HSPA12A: variants seen among roughly 807,000 people sequenced by gnomAD.
HSPA12A encodes heat shock 70 kDa protein 12A.
In HSPA12A, 28 loss-of-function variants were observed where a neutral mutation model predicts 69.2. That is an observed-to-expected ratio of 0.40 (90% CI 0.30 to 0.55). The LOEUF is 0.55. Among genes scored for constraint, HSPA12A ranks in the 20% least tolerant of loss-of-function variants. The pLI is 0.38. For missense variants in HSPA12A, 686 were observed against 900.7 expected (o/e 0.76, Z 3.05); for synonymous variants, 345 against 370.5 (o/e 0.93, Z 0.79).
At chr10:116,795,455 G>C (rs1341007598) in intron 2 of HSPA12A, among the ~76,000 whole-genome samples, 1 of 151,660 alleles carries the variant, frequency 6.6e-6, no homozygotes. Flanking sequence ...AAGGTGGGTG[G>C]ATCACTTGAG....
rs782248032 is a variant in HSPA12A, at chr10:116,681,844, C to CG, written c.868dup (p.Arg290ProfsTer20). ...TATGACATTCTCCACCAAAAAGGTCCGACTCTGCCGATTACGCCGTATGTG... is the reference window on the plus strand; with the variant it reads ...TATGACATTCTCCACCAAAAAGGTCCGGACTCTGCCGATTACGCCGTATGTG... On this transcript the variant is annotated frameshift_variant, in exon 8 of 12. Transcript: ENST00000369209. LOFTEE classifies it high-confidence loss of function. The CG allele has an allele frequency of 6.2e-7, 1 of 1,614,146 alleles. No homozygotes were observed.
intron 2 of HSPA12A, among the ~76,000 whole-genome samples, chr10:116,808,204 G>A (rs1289382882): frequency 1.3e-5 from 2 of 151,330 alleles, no homozygotes; most frequent in African/African-American, 4.9e-5. Context: ...GATGAGGGAT[G>A]AATGCTGAGG....
intron 3 of HSPA12A, among the ~76,000 whole-genome samples, chr10:116,702,167 A>C (rs2132969239): frequency 6.6e-6 from 1 of 151,882 alleles, no homozygotes; most frequent in African/African-American, 2.4e-5. Context: ...GAGCAAGGGA[A>C]GGGGGAAGGG....
chr10:116,746,252 C>G (rs1245861523), upstream of HSPA12A, among the ~76,000 whole-genome samples: 1 of 152,180 alleles, frequency 6.6e-6, no homozygotes, highest in African/African-American at 2.4e-5. Flanking sequence ...AGTCCAGAGG[C>G]AGGCCCAGCT....
At chr10:116,793,572 A>C (rs1321474436) in intron 2 of HSPA12A, among the ~76,000 whole-genome samples, 1 of 70,580 alleles carries the variant, frequency 1.4e-5, no homozygotes, top group Non-Finnish European at 4.0e-5. Context: ...CCCTGTCCCC[A>C]CTGAAAACAA....
chr10:116,770,117 G>A (rs1393150538), intron 2 of HSPA12A, among the ~76,000 whole-genome samples: 1 of 152,216 alleles, frequency 6.6e-6, no homozygotes, highest in Non-Finnish European at 1.5e-5. Flanking sequence ...CCTCAGAAGA[G>A]CCTGATGGAG....
At chr10:116,794,154 G>A (rs1681728) in intron 2 of HSPA12A, among the ~76,000 whole-genome samples, 123,468 of 151,650 alleles carry the variant, frequency 0.81, 52,541 homozygotes, top group Non-Finnish European at 0.93. Flanking sequence ...GCAGTGAGCC[G>A]AGATCGCGCC....
At chr10:116,704,970 C>G (rs1243064406) in intron 3 of HSPA12A, among the ~76,000 whole-genome samples, 181 bp downstream of exon 3, 3 of 152,212 alleles carry the variant, frequency 2.0e-5, no homozygotes, top group African/African-American at 7.2e-5. Context: ...CTTTTCAAAC[C>G]AGGAGCCTAG....
In HSPA12A at chr10:116,675,198, G is replaced by A. The variant is rs199807148; in HGVS notation, c.1611C>T (p.Tyr537=). 3,165 of 1,613,748 alleles carry A rather than the reference G, an allele frequency of 2.0e-3. 9 individuals carry two copies. The highest frequency in any genetic ancestry group is 3.5e-3 in the Middle Eastern group (21 of 6,062). The change falls in exon 12 of 12, where the codon TAC becomes TAT. Residue 537 remains tyrosine (Y), a synonymous_variant. Transcript: ENST00000369209. The surrounding 1 kb of genome is among the most constrained non-coding windows in gnomAD (Gnocchi z 5.2). The part of the protein sequence containing the change: ...VIKVRRSPLT[Y]GVGVLNRYVE... ...CGTAGCGGTTCAGCACGCCTACCCCGTAGGTGAGCGGCGACCGGCGCACCT... is the reference window on the plus strand; with the variant it reads ...CGTAGCGGTTCAGCACGCCTACCCCATAGGTGAGCGGCGACCGGCGCACCT...
chr10:116,708,682 C>G lies in HSPA12A; in HGVS notation c.41-1397G>C, dbSNP rs144720026. Among the ~76,000 whole-genome samples, 376 of 152,296 alleles carry G rather than the reference C, an allele frequency of 2.5e-3. 1 individual carries two copies. Among genetic ancestry groups the G allele is most frequent in the African/African-American group, 8.7e-3 (360 of 41,566 alleles). The stretch of plus-strand genomic sequence containing the variant: ...TTCCTATCTTGGGGAGGGAGAGGCA[C>G]AGTCCAGTAATTACAGAGGCAAAAA... On this transcript the variant is annotated intron_variant, in intron 1 of 11. Transcript: ENST00000369209.
chr10:116,783,652 T>C (rs1844512979), intron 2 of HSPA12A, among the ~76,000 whole-genome samples: 1 of 152,130 alleles, frequency 6.6e-6, no homozygotes, highest in Non-Finnish European at 1.5e-5. Flanking sequence ...ATGTTGTCTG[T>C]GATATAGTCT....
At chr10:116,736,660 G>A (rs1239663183) in intron 1 of HSPA12A, among the ~76,000 whole-genome samples, 1 of 152,142 alleles carries the variant, frequency 6.6e-6, no homozygotes, top group Non-Finnish European at 1.5e-5. Context: ...GATGGGCTTG[G>A]AAGATGGAGG....
At chr10:116,774,253 C>T (rs1273036281) in intron 2 of HSPA12A, among the ~76,000 whole-genome samples, 1 of 152,156 alleles carries the variant, frequency 6.6e-6, no homozygotes, top group Non-Finnish European at 1.5e-5. Flanking sequence ...TCGTGATCCG[C>T]CCGCCTCGGC....
chr10:116,705,148 C>G lies in HSPA12A; in HGVS notation c.254+3G>C. The stretch of plus-strand genomic sequence containing the variant: ...ACGTGGCCCTCCCACCCACAGCACT[C>G]ACCTCATCACATGGATGCATTCCGG... On this transcript the variant is annotated splice_donor_region_variant and intron_variant, in intron 3 of 11. Coordinates refer to ENST00000369209, the MANE Select transcript of HSPA12A (RefSeq NM_025015.3). 6.2e-7 allele frequency: 1 copy of G among 1,614,134 alleles called. No homozygotes were observed. Among genetic ancestry groups the G allele is most frequent in the Non-Finnish European group, 8.5e-7 (1 of 1,180,024 alleles).
At chr10:116,716,269 T>C (rs1850601654) in intron 1 of HSPA12A, among the ~76,000 whole-genome samples, 1 of 152,176 alleles carries the variant, frequency 6.6e-6, no homozygotes, top group Non-Finnish European at 1.5e-5. Context: ...CATTTTGCTT[T>C]GTCCTTCAGA....
At chr10:116,698,520 T>G in intron 5 of HSPA12A, 115 bp downstream of exon 5, 1 of 711,904 alleles carries the variant, frequency 1.4e-6, no homozygotes. Context: ...GCCCACACTC[T>G]CCCTCCAGGC....
rs553109866 is a variant in HSPA12A at position 116,710,829 on chromosome 10, C to T, written c.41-3544G>A. ...CAGTACAGCACAGAAATATACACAG[C>T]CAGTAGAGACATGCTACTGTTTCTC... On this transcript the variant is annotated intron_variant, in intron 1 of 11. Transcript: ENST00000369209. The surrounding 1 kb of genome is among the most constrained non-coding windows in gnomAD (Gnocchi z 4.1). 1.3e-5 allele frequency among the ~76,000 whole-genome samples: 2 copies of T among 152,252 alleles called. No individual in the cohort carries two copies. The highest frequency in any genetic ancestry group is 4.8e-5 in the African/African-American group (2 of 41,540).
chr10:116,678,823 T>A (rs1589619791), intron 10 of HSPA12A, among the ~76,000 whole-genome samples: 1 of 152,152 alleles, frequency 6.6e-6, no homozygotes, highest in South Asian at 2.1e-4. Context: ...CAATGGGGTA[T>A]TTTACAGGAT....
intron 1 of HSPA12A, among the ~76,000 whole-genome samples, chr10:116,725,234 T>C (rs1229837157): frequency 6.6e-6 from 1 of 152,102 alleles, no homozygotes; most frequent in East Asian, 1.9e-4. Context: ...CAACACTTAA[T>C]TCCCCAAATG....
Sources: allele counts gnomAD v4.1 joint callset (sites outside exome capture counted in the v4.1 genomes callset), GRCh38; gene constraint gnomAD v4.1.1; non-coding constraint Gnocchi (gnomAD v3.1); transcripts MANE v1.5; gene names NCBI Gene and HGNC (gene_info 2026-07-23, HGNC 2026-07-21).